Variants in RELCH observed in about 807,000 individuals in gnomAD.
RELCH encodes the protein RAB11 binding and LisH domain, coiled-coil and HEAT repeat containing.
A neutral mutation model predicts 150.3 loss-of-function variants in RELCH; 41 were observed. The ratio of observed to expected loss-of-function variants is 0.27; its 90% CI spans 0.21 to 0.35. The LOEUF is 0.35. Among genes scored for constraint, RELCH ranks in the 10% least tolerant of loss-of-function variants. The pLI is 1.00. For synonymous variants in RELCH, 478 were observed against 531.8 expected (o/e 0.90, Z 1.39); for missense variants, 1,092 against 1,467.8 (o/e 0.74, Z 4.18).
intron 16 of RELCH, 150 bp downstream of exon 16, chr18:62,261,808 A>G: frequency 1.6e-6 from 1 of 612,636 alleles, no homozygotes; most frequent in Non-Finnish European, 2.7e-6. Flanking sequence ...TGGTCATAAG[A>G]TTATACGTAT....
intron 2 of RELCH, among the ~76,000 whole-genome samples, chr18:62,214,333 T>A (rs2040352597): frequency 6.6e-6 from 1 of 152,166 alleles, no homozygotes; most frequent in African/African-American, 2.4e-5. Flanking sequence ...TCCAAAAAGA[T>A]TGTGACTCTT....
At chr18:62,269,441 A>G in intron 20 of RELCH, 2 of 422,734 alleles carry the variant, frequency 4.7e-6, no homozygotes, top group Non-Finnish European at 4.8e-6. Flanking sequence ...ACATAATGAG[A>G]TATCTTGGGA....
intron 26 of RELCH, among the ~76,000 whole-genome samples, chr18:62,290,674 A>G (rs555340317): frequency 2.0e-5 from 3 of 152,288 alleles, no homozygotes; most frequent in Non-Finnish European, 4.4e-5. Flanking sequence ...TTTTCTGGAG[A>G]AAGTTTTCCT....
intron 20 of RELCH, among the ~76,000 whole-genome samples, chr18:62,272,869 G>C (rs1391010009): frequency 6.6e-6 from 1 of 151,850 alleles, no homozygotes; most frequent in African/African-American, 2.4e-5. Context: ...ATTTGAAATA[G>C]TAGGCAACTA....
chr18:62,264,818 G>C lies in RELCH; in HGVS notation c.2597G>C (p.Cys866Ser). 6.2e-7 allele frequency: 1 copy of C among 1,608,820 alleles called. No homozygotes were observed. The highest frequency in any genetic ancestry group is 8.5e-7 in the Non-Finnish European group (1 of 1,177,776). The change falls in exon 18 of 29, where the codon TGC becomes TCC. Residue 866 changes from cysteine to serine, a missense_variant. Coordinates refer to ENST00000644646, the MANE Select transcript of RELCH (RefSeq NM_001346231.2). The part of the protein sequence containing the change: ...HEFSRFFWRL[C>S]RTFGKIFTNT... ...TTCTCCAGATTTTTCTGGCGCCTTT[G>C]CCGGACATTTGGCAAAATTTTTACA... is the stretch of plus-strand genomic sequence containing the variant.
At chr18:62,274,408 A>G (rs2044078058) in intron 21 of RELCH, among the ~76,000 whole-genome samples, 2 of 152,212 alleles carry the variant, frequency 1.3e-5, no homozygotes, top group South Asian at 4.1e-4. Flanking sequence ...AAGGAGCCCC[A>G]AGTGAAAGCC....
intron 11 of RELCH, among the ~76,000 whole-genome samples, chr18:62,249,168 T>C (rs1475948541): frequency 2.6e-5 from 4 of 152,240 alleles, no homozygotes; most frequent in African/African-American, 4.8e-5. Flanking sequence ...CTGACTGATA[T>C]AATTTTTCCT....
chr18:62,203,389 G>A (rs562460299), intron 1 of RELCH, among the ~76,000 whole-genome samples: 18 of 152,142 alleles, frequency 1.2e-4, no homozygotes, highest in African/African-American at 4.1e-4. Flanking sequence ...CCTGGGAGGC[G>A]GAGGTTGCAG....
intron 24 of RELCH, 50 bp from the exon 25 acceptor site, chr18:62,282,256 A>G: frequency 3.3e-6 from 5 of 1,515,008 alleles, no homozygotes; most frequent in Non-Finnish European, 3.7e-6. Context: ...TAACAACACT[A>G]CTCAGTTTTC....
At chr18:62,227,813 TGAAA>T (rs1326696400) in intron 7 of RELCH, 124 bp downstream of exon 7, 2 of 495,666 alleles carry the variant, frequency 4.0e-6, no homozygotes, top group Non-Finnish European at 7.1e-6. Flanking sequence ...TTAATACTTC[TGAAA>T]GAAAGTTTTG....
intron 1 of RELCH, among the ~76,000 whole-genome samples, chr18:62,204,679 A>AC (rs1358535539): frequency 3.3e-5 from 5 of 152,170 alleles, no homozygotes; most frequent in African/African-American, 1.2e-4. Flanking sequence ...CGTACTGATA[A>AC]CCCAATGGTT....
In RELCH at chr18:62,264,340, A is replaced by C. The variant is rs114444295; in HGVS notation, c.2507+195A>C. Among the ~76,000 whole-genome samples, 1,241 of 152,168 alleles carry C rather than the reference A, an allele frequency of 8.2e-3. 18 individuals are homozygous for C. Among genetic ancestry groups the C allele is most frequent in the East Asian group, 0.052 (269 of 5,174 alleles). ...AGAAGATGTTGCTGTATTTTATCCG[A>C]ATGATCTATCTGCCATCTTGTTTGT... is the stretch of plus-strand genomic sequence containing the variant. On this transcript the variant is annotated intron_variant, in intron 17 of 28. Coordinates refer to ENST00000644646, the MANE Select transcript of RELCH (RefSeq NM_001346231.2).
chr18:62,256,333 T>C (rs562954275), intron 13 of RELCH, among the ~76,000 whole-genome samples: 1 of 152,208 alleles, frequency 6.6e-6, no homozygotes, highest in South Asian at 2.1e-4. Flanking sequence ...TTTATACTCC[T>C]ACTAACAGTA....
intron 16 of RELCH, 81 bp from the exon 17 acceptor site, chr18:62,263,907 AC>A: frequency 9.9e-7 from 1 of 1,005,590 alleles, no homozygotes; most frequent in Non-Finnish European, 1.5e-6. Context: ...AGGAGAAAGG[AC>A]CTTATTTTCC....
At chr18:62,198,300 G>C (rs946246848) in intron 1 of RELCH, among the ~76,000 whole-genome samples, 1 of 152,150 alleles carries the variant, frequency 6.6e-6, no homozygotes, top group Admixed American at 6.5e-5. Context: ...AAATTAGCTT[G>C]TGCTCTCTTT....
At chr18:62,237,733 A>T (rs1466555081) in intron 10 of RELCH, among the ~76,000 whole-genome samples, 1 of 151,808 alleles carries the variant, frequency 6.6e-6, no homozygotes, top group Non-Finnish European at 1.5e-5. Context: ...TTGGAAAAAT[A>T]AAGAAAAAAA....
intron 27 of RELCH, among the ~76,000 whole-genome samples, chr18:62,295,240 G>T (rs2045346664): frequency 6.6e-6 from 1 of 151,560 alleles, no homozygotes; most frequent in Non-Finnish European, 1.5e-5. Context: ...TATAGAACAT[G>T]CTATATCTTA....
intron 5 of RELCH, among the ~76,000 whole-genome samples, chr18:62,223,474 G>A (rs1390512083): frequency 6.6e-6 from 1 of 151,954 alleles, no homozygotes; most frequent in African/African-American, 2.4e-5. Context: ...AAAACTCCAG[G>A]TCTGGATGGC....
At chr18:62,295,438 T>C (rs1212079554) in intron 27 of RELCH, among the ~76,000 whole-genome samples, 1 of 151,974 alleles carries the variant, frequency 6.6e-6, no homozygotes, top group Admixed American at 6.6e-5. Context: ...TTTTTTTTTC[T>C]GTTTTACTTA....
Sources: allele counts gnomAD v4.1 joint callset (sites outside exome capture counted in the v4.1 genomes callset), GRCh38; gene constraint gnomAD v4.1.1; transcripts MANE v1.5; gene names NCBI Gene and HGNC (gene_info 2026-07-23, HGNC 2026-07-21).